KLF12: variants seen among roughly 807,000 people sequenced by gnomAD.
The protein encoded by KLF12 is Krueppel-like factor 12.
A neutral mutation model predicts 37.8 loss-of-function variants in KLF12; 9 were observed. The ratio of observed to expected loss-of-function variants is 0.24; its 90% CI spans 0.14 to 0.42. KLF12 has a LOEUF of 0.42. KLF12 is among the 10% of genes least tolerant of loss of function. The pLI is 1.00. For missense variants in KLF12, 411 were observed against 516.0 expected (o/e 0.80, Z 1.97); for synonymous variants, 208 against 202.1 (o/e 1.03, Z -0.25).
intron 1 of KLF12, among the ~76,000 whole-genome samples, chr13:74,012,283 C>G (rs1892570056): frequency 6.6e-6 from 1 of 152,156 alleles, no homozygotes. Context: ...TCTTCCAAAG[C>G]ACAGTCATTC....
chr13:74,037,838 T>C (rs191754364), intron 1 of KLF12, among the ~76,000 whole-genome samples: 141 of 152,326 alleles, frequency 9.3e-4, no homozygotes, highest in African/African-American at 3.1e-3. Context: ...CTGCTGTCTC[T>C]TAATAACAGA....
intron 5 of KLF12, among the ~76,000 whole-genome samples, chr13:73,812,551 A>AAT (rs150181070): frequency 0.03 from 4,592 of 152,132 alleles, 222 homozygotes; most frequent in African/African-American, 0.1. Context: ...TACAAAAAAA[A>AAT]ACATGGATTT....
chr13:74,129,157 A>G (rs1323696142), intron 1 of KLF12, among the ~76,000 whole-genome samples: 1 of 152,242 alleles, frequency 6.6e-6, no homozygotes, highest in Non-Finnish European at 1.5e-5. Context: ...GTATTTGCAT[A>G]TAACCTGTGC....
intron 3 of KLF12, among the ~76,000 whole-genome samples, chr13:73,938,944 C>T (rs1427388740): frequency 6.6e-6 from 1 of 152,192 alleles, no homozygotes; most frequent in Non-Finnish European, 1.5e-5. Context: ...AGGCTCGCTT[C>T]CCCAAGGGTA....
chr13:73,915,824 G>A (rs137924750), intron 3 of KLF12, among the ~76,000 whole-genome samples: 1,526 of 151,238 alleles, frequency 0.01, 19 homozygotes, highest in Admixed American at 0.013. Flanking sequence ...GAGCCACGGC[G>A]CCTGGCCTTT....
chr13:73,954,487 C>G (rs974903132), intron 2 of KLF12, among the ~76,000 whole-genome samples: 2 of 152,204 alleles, frequency 1.3e-5, no homozygotes, highest in Non-Finnish European at 2.9e-5. Context: ...GAAAGGTTAT[C>G]AAAGCACATA....
chr13:73,862,928 T>A (rs1594184778), intron 3 of KLF12, among the ~76,000 whole-genome samples: 1 of 152,188 alleles, frequency 6.6e-6, no homozygotes, highest in Non-Finnish European at 1.5e-5. Context: ...TATGATTCAT[T>A]TTCTTCTTAG....
chr13:73,939,572 G>A (rs1265035889), intron 3 of KLF12, among the ~76,000 whole-genome samples: 1 of 152,114 alleles, frequency 6.6e-6, no homozygotes, highest in Non-Finnish European at 1.5e-5. Context: ...AATTAACATA[G>A]ATGTTGAAAT....
chr13:73,731,594 T>G (rs1018601814), intron 6 of KLF12, among the ~76,000 whole-genome samples: 1 of 150,608 alleles, frequency 6.6e-6, no homozygotes, highest in East Asian at 2.0e-4. Flanking sequence ...ATTCATTAAA[T>G]TCTTTTAGGG....
At chr13:74,160,771 G>A in the KLF12 span, among the ~76,000 whole-genome samples, 1 of 152,300 alleles carries the variant, frequency 6.6e-6, no homozygotes, top group South Asian at 2.1e-4. Context: ...GAAGAATTCT[G>A]GGTAGCTGAC....
intron 7 of KLF12, among the ~76,000 whole-genome samples, chr13:73,696,711 G>A (rs1874177103): frequency 6.6e-6 from 1 of 152,168 alleles, no homozygotes; most frequent in Non-Finnish European, 1.5e-5. Context: ...AGGGGGTATT[G>A]TTGACACCAC....
At chr13:73,970,278 T>C (rs1891292703) in intron 2 of KLF12, among the ~76,000 whole-genome samples, 1 of 152,172 alleles carries the variant, frequency 6.6e-6, no homozygotes, top group Admixed American at 6.5e-5. Context: ...TTAAGTTTTT[T>C]ATTTATTATT....
intron 1 of KLF12, among the ~76,000 whole-genome samples, chr13:74,125,209 A>T (rs1450599182): frequency 6.6e-6 from 1 of 152,000 alleles, no homozygotes; most frequent in Non-Finnish European, 1.5e-5. Flanking sequence ...TAAAAAACAC[A>T]CTGTTTATAT....
intron 4 of KLF12, among the ~76,000 whole-genome samples, chr13:73,817,167 C>A (rs73531694): frequency 0.2 from 29,756 of 151,172 alleles, 3,292 homozygotes; most frequent in East Asian, 0.48. Context: ...AAATTTAAAA[C>A]ATCAGCAGAG....
At chr13:73,705,177 A>C (rs1874842473) in intron 7 of KLF12, among the ~76,000 whole-genome samples, 1 of 152,260 alleles carries the variant, frequency 6.6e-6, no homozygotes, top group African/African-American at 2.4e-5. Flanking sequence ...TCAAATGAGC[A>C]TTATTTTAAC....
chr13:74,094,158 C>T (rs1390621443), intron 1 of KLF12, among the ~76,000 whole-genome samples: 1 of 152,092 alleles, frequency 6.6e-6, no homozygotes, highest in African/African-American at 2.4e-5. Flanking sequence ...CTGTCATATA[C>T]ATGCACAAAT....
the KLF12 span, among the ~76,000 whole-genome samples, chr13:74,180,279 T>C: frequency 5.3e-5 from 8 of 152,210 alleles, no homozygotes; most frequent in Admixed American, 2.0e-4. Context: ...TTGCTGAATT[T>C]AGGGAAATGC....
chr13:73,791,110 C>A (rs1028554030), intron 5 of KLF12, among the ~76,000 whole-genome samples: 4 of 152,160 alleles, frequency 2.6e-5, no homozygotes, highest in South Asian at 2.1e-4. Flanking sequence ...CAGCTCTCTT[C>A]ACTTCGTGTT....
intron 3 of KLF12, among the ~76,000 whole-genome samples, chr13:73,929,896 T>C (rs1391924320): frequency 6.6e-6 from 1 of 151,970 alleles, no homozygotes; most frequent in South Asian, 2.1e-4. Flanking sequence ...GAAATGCAGA[T>C]GAAAAAATAA....
Sources: allele counts gnomAD v4.1 joint callset (sites outside exome capture counted in the v4.1 genomes callset), GRCh38; gene constraint gnomAD v4.1.1; transcripts MANE v1.5; gene names NCBI Gene and HGNC (gene_info 2026-07-23, HGNC 2026-07-21).